CTNNA2: variants seen among roughly 807,000 people sequenced by gnomAD.
CTNNA2 encodes catenin alpha 2.
CTNNA2 carries 42 observed loss-of-function variants against 101.0 expected under a neutral mutation model. The observed-to-expected ratio is 0.42, with a 90% CI of 0.32 to 0.54. CTNNA2 has a LOEUF of 0.54. CTNNA2 is among the 20% of genes least tolerant of loss of function. The probability of loss-of-function intolerance (pLI) is 0.14; values close to 1 mark genes in which losing one functional copy is unlikely to be tolerated. For missense variants in CTNNA2, 871 were observed against 1,223.1 expected (o/e 0.71, Z 4.29); for synonymous variants, 450 against 456.4 (o/e 0.99, Z 0.18).
intron 1 of CTNNA2, among the ~76,000 whole-genome samples, chr2:79,540,864 G>A (rs1325903007): frequency 6.6e-6 from 1 of 152,118 alleles, no homozygotes; most frequent in Non-Finnish European, 1.5e-5. Flanking sequence ...CCTACTTACT[G>A]TAAGTTTGAT....
Position 79,319,022 on chromosome 2 carries a change from T to A in CTNNA2, c.-318+6226T>A, listed in dbSNP as rs1676558592. Among the ~76,000 whole-genome samples, 3 of 152,180 alleles carry A rather than the reference T, an allele frequency of 2.0e-5. No individual in the cohort carries two copies. The South Asian group carries it at 6.2e-4, about 32-fold the overall frequency. ...TTCTGGTGACGGCTGAGGCTAGTAC[T>A]AAAGATAAGGAAAGGACTCTATTCA... On this transcript the variant is annotated intron_variant, in intron 3 of 21. Coordinates refer to the CTNNA2 transcript ENST00000466387.
At chr2:79,513,264 C>T (rs1271474652) in intron 1 of CTNNA2, 57 bp downstream of exon 1, 1 of 149,848 alleles carries the variant, frequency 6.7e-6, no homozygotes, top group Non-Finnish European at 1.5e-5. Context: ...TCCCCACCTC[C>T]CTCCCATCCT....
At chr2:79,360,154 A>G (rs1677595443) in intron 3 of CTNNA2, among the ~76,000 whole-genome samples, 1 of 152,320 alleles carries the variant, frequency 6.6e-6, no homozygotes, top group South Asian at 2.1e-4. Flanking sequence ...TACTATTATG[A>G]CTAAGACACA....
At chr2:79,655,691 T>C (rs1681560712) in intron 2 of CTNNA2, among the ~76,000 whole-genome samples, 1 of 151,998 alleles carries the variant, frequency 6.6e-6, no homozygotes, top group Non-Finnish European at 1.5e-5. Context: ...TAGACAGGCA[T>C]GGTGGTACAT....
At chr2:79,344,182 A>G (rs1461698776) in intron 3 of CTNNA2, among the ~76,000 whole-genome samples, 1 of 152,158 alleles carries the variant, frequency 6.6e-6, no homozygotes, top group East Asian at 1.9e-4. Flanking sequence ...CGCTCTACAC[A>G]GCTCTTTGTG....
intron 2 of CTNNA2, among the ~76,000 whole-genome samples, chr2:79,696,964 G>T (rs1183852707): frequency 6.6e-6 from 1 of 151,902 alleles, no homozygotes; most frequent in Non-Finnish European, 1.5e-5. Flanking sequence ...TGGTAAATAA[G>T]ATCACAGATC....
Position 80,230,192 on chromosome 2 carries a change from AT to A in CTNNA2, c.1057-163017del, listed in dbSNP as rs201020904. Among the ~76,000 whole-genome samples, 908 of 151,034 alleles carry A rather than the reference AT, an allele frequency of 6.0e-3. 13 individuals are homozygous for A. Among genetic ancestry groups the A allele is most frequent in the African/African-American group, 0.021 (856 of 41,078 alleles). On this transcript the variant is annotated intron_variant, in intron 7 of 18. Coordinates refer to ENST00000402739, the MANE Select transcript of CTNNA2 (RefSeq NM_001282597.3). ...CCTAACAACAGATTTCTTAGAACTT[AT>A]TCCCCATTGTTAAGCAATGCATGCC...
intron 3 of CTNNA2, among the ~76,000 whole-genome samples, chr2:79,360,919 A>G (rs1392561089): frequency 1.3e-5 from 2 of 152,176 alleles, no homozygotes; most frequent in African/African-American, 2.4e-5. Flanking sequence ...ATAAAATGCT[A>G]TATGAATGTA....
At chr2:79,739,080 T>A (rs1304903915) in intron 2 of CTNNA2, among the ~76,000 whole-genome samples, 2 of 150,756 alleles carry the variant, frequency 1.3e-5, no homozygotes, top group African/African-American at 2.4e-5. Flanking sequence ...TGTTTTTTTT[T>A]TTTTTCTTTT....
In CTNNA2 at chr2:80,619,089, G is replaced by A. The variant is rs539303925; in HGVS notation, c.2435G>A (p.Gly812Glu). 5.3e-5 allele frequency: 80 copies of A among 1,499,348 alleles called. No individual in the cohort carries two copies. The highest frequency in any genetic ancestry group is 6.7e-5 in the Non-Finnish European group (75 of 1,120,614). 92.9% of individuals were successfully genotyped at this position (1,499,348 alleles called of 1,614,324 possible). The change falls in exon 18 of 19, where the codon GGA becomes GAA. Residue 812 changes from glycine (G) to glutamate (E), a missense_variant. This residue lies in a region of CTNNA2 where 93 missense variants were observed against 223.7 expected (regional missense o/e 0.42). Transcript: ENST00000402739. ...LGGELIVSGT[G>E]VQSTFTTFYE... ...TCTGTATCTCTCGGAAATCAGACAG[G>A]AGTTCAGAGCACTTTCACTACCTTT...
intron 7 of CTNNA2, among the ~76,000 whole-genome samples, chr2:80,082,738 G>A (rs146929397): frequency 2.8e-4 from 42 of 152,098 alleles, no homozygotes; most frequent in African/African-American, 9.4e-4. Context: ...CTCTGTGAGG[G>A]TCAAGTTGTT....
chr2:79,656,115 A>G (rs778155796), intron 2 of CTNNA2, among the ~76,000 whole-genome samples: 15 of 152,134 alleles, frequency 9.9e-5, no homozygotes, highest in Non-Finnish European at 1.6e-4. Context: ...AAATATGTGA[A>G]TTTTAAGATG....
intron 2 of CTNNA2, among the ~76,000 whole-genome samples, chr2:79,728,475 GC>G (rs1300811383): frequency 6.6e-6 from 1 of 152,080 alleles, no homozygotes; most frequent in Admixed American, 6.5e-5. Context: ...CTGGATAATA[GC>G]CCTTTGTCAG....
At chr2:80,062,262 T>C (rs1425577552) in intron 7 of CTNNA2, among the ~76,000 whole-genome samples, 4 of 152,248 alleles carry the variant, frequency 2.6e-5, no homozygotes, top group Non-Finnish European at 1.5e-5. Context: ...TTTTGGAAAA[T>C]TGCATTTGAA....
At chr2:80,458,295 T>C (rs951850531) in intron 9 of CTNNA2, among the ~76,000 whole-genome samples, 1 of 152,198 alleles carries the variant, frequency 6.6e-6, no homozygotes, top group African/African-American at 2.4e-5. Context: ...TATTTTGTAG[T>C]TAATATGACC....
intron 7 of CTNNA2, among the ~76,000 whole-genome samples, chr2:80,007,722 C>T (rs1693472978): frequency 6.6e-6 from 1 of 152,150 alleles, no homozygotes; most frequent in Non-Finnish European, 1.5e-5. Flanking sequence ...CTTGGGGAAT[C>T]CTTTTATTCT....
intron 3 of CTNNA2, among the ~76,000 whole-genome samples, chr2:79,831,542 T>C (rs1678928116): frequency 6.6e-6 from 1 of 152,158 alleles, no homozygotes; most frequent in Non-Finnish European, 1.5e-5. Context: ...CTTCCCACAA[T>C]TTTGCCTTAA....
chr2:80,582,583 G>A (rs1695631560), intron 14 of CTNNA2, among the ~76,000 whole-genome samples: 1 of 152,146 alleles, frequency 6.6e-6, no homozygotes, highest in South Asian at 2.1e-4. Context: ...CAGAGAGTAG[G>A]TGTACGTAAT....
At chr2:79,650,517 A>G (rs1681154401) in intron 1 of CTNNA2, among the ~76,000 whole-genome samples, 1 of 151,896 alleles carries the variant, frequency 6.6e-6, no homozygotes. Context: ...TACATCTAGT[A>G]ATCATTGGTG....
Sources: gnomAD v4.1 joint callset for allele counts (sites outside exome capture counted in the v4.1 genomes callset) on GRCh38, gnomAD v4.1.1 for gene constraint, gnomAD v4.1.1 regional missense constraint, MANE v1.5 for transcripts, NCBI Gene and HGNC (gene_info 2026-07-23, HGNC 2026-07-21) for gene names.